The following ZNF90 variants were observed in gnomAD, a reference collection of about 807,000 sequenced individuals.
ZNF90 encodes zinc finger protein HTF9.
Under a neutral mutation model 12.0 loss-of-function variants are expected in ZNF90, and 11 were observed. The ratio of observed to expected loss-of-function variants is 0.92; its 90% confidence interval spans 0.58 to 1.52. The LOEUF (loss-of-function observed/expected upper bound fraction) is 1.52. Among genes scored for constraint, ZNF90 ranks in the 40% most tolerant of loss-of-function variants. ZNF90 has a pLI of 0.00. For missense variants in ZNF90, 765 were observed against 711.5 expected, an observed-to-expected ratio of 1.08 and a Z score of -0.86; for synonymous variants, 232 against 240.1, an observed-to-expected ratio of 0.97 and a Z score of 0.31.
At chr19:20,080,313 T>C (rs545102922) in intron 1 of ZNF90, 4 of 537,906 alleles carry the variant, frequency 7.4e-6, no homozygotes, top group South Asian at 6.2e-5. Flanking sequence ...GGACGATCCT[T>C]GTTTTACCAG....
intron 1 of ZNF90, among the ~76,000 whole-genome samples, chr19:20,100,540 C>T (rs2088981097): frequency 6.6e-6 from 1 of 152,168 alleles, no homozygotes; most frequent in South Asian, 2.1e-4. Context: ...GGCCTGCTAG[C>T]CCATGCTCCA....
At chr19:20,083,555 G>A (rs548602082) in intron 1 of ZNF90, among the ~76,000 whole-genome samples, 7 of 152,126 alleles carry the variant, frequency 4.6e-5, no homozygotes, top group African/African-American at 1.4e-4. Flanking sequence ...TTAAGCTCCC[G>A]ACCTCAGGTG....
intron 1 of ZNF90, among the ~76,000 whole-genome samples, chr19:20,101,266 G>A (rs1449638912): frequency 6.6e-6 from 1 of 152,142 alleles, no homozygotes; most frequent in South Asian, 2.1e-4. Flanking sequence ...TGGGTTCCAC[G>A]GTTCTCTTCC....
intron 3 of ZNF90, among the ~76,000 whole-genome samples, chr19:20,114,713 A>C (rs2089121125): frequency 6.6e-6 from 1 of 152,168 alleles, no homozygotes; most frequent in Non-Finnish European, 1.5e-5. Flanking sequence ...CATAAAGAAG[A>C]AAGTTGTATG....
chr19:20,093,317 GT>G (rs1213712171), intron 1 of ZNF90, among the ~76,000 whole-genome samples: 1 of 152,228 alleles, frequency 6.6e-6, no homozygotes, highest in Non-Finnish European at 1.5e-5. Flanking sequence ...TAGCAGGTGA[GT>G]GATAACAGGC....
chr19:20,091,919 A>G (rs2088905944), intron 1 of ZNF90, among the ~76,000 whole-genome samples: 1 of 152,148 alleles, frequency 6.6e-6, no homozygotes, highest in Admixed American at 6.5e-5. Flanking sequence ...AGCCTCAATG[A>G]TAGATGTGGA....
chr19:20,098,469 G>A (rs1353570088), intron 1 of ZNF90, among the ~76,000 whole-genome samples: 2 of 152,166 alleles, frequency 1.3e-5, no homozygotes, highest in Non-Finnish European at 2.9e-5. Flanking sequence ...CATCTTAGGA[G>A]TGAGAGATCA....
intron 1 of ZNF90, among the ~76,000 whole-genome samples, chr19:20,096,543 G>A (rs891870985): frequency 6.6e-6 from 1 of 152,004 alleles, no homozygotes; most frequent in Non-Finnish European, 1.5e-5. Context: ...GGGTCGCAAG[G>A]TGCTCAGTGG....
chr19:20,109,092 G>T (rs1472561125), intron 3 of ZNF90, among the ~76,000 whole-genome samples: 1 of 152,138 alleles, frequency 6.6e-6, no homozygotes, highest in African/African-American at 2.4e-5. Flanking sequence ...TAGAGAATTT[G>T]CAATTCTTTT....
intron 1 of ZNF90, among the ~76,000 whole-genome samples, chr19:20,085,220 G>A (rs1037092245): frequency 5.3e-5 from 8 of 150,474 alleles, no homozygotes; most frequent in Admixed American, 1.3e-4. Context: ...ATCTGATGGC[G>A]GTAGGAGGGT....
intron 1 of ZNF90, among the ~76,000 whole-genome samples, chr19:20,091,514 T>G (rs1486103525): frequency 1.3e-5 from 2 of 151,312 alleles, no homozygotes; most frequent in Non-Finnish European, 2.9e-5. Context: ...CGTGGGGGAG[T>G]AGGTGGGAGT....
Position 20,118,044 on chromosome 19 carries a change from A to T in ZNF90, c.490A>T (p.Lys164Ter). ...TATATTTTCAAATTCAAACAGACATAAGATAAGAGATACTGGAAAAAAACC... is the reference window on the plus strand; with the variant it reads ...TATATTTTCAAATTCAAACAGACATTAGATAAGAGATACTGGAAAAAAACC... ...SHIFSNSNRH[K>*]IRDTGKKPFK... Residue 164 changes from lysine (K) to a stop codon, truncating the protein, a stop_gained, in exon 4 of 4, where the codon AAG becomes TAG. Coordinates refer to ENST00000418063, the MANE Select transcript of ZNF90 (RefSeq NM_007138.2). LOFTEE classifies it low-confidence loss of function (END_TRUNC). 1 of 1,612,030 alleles carries T rather than the reference A, an allele frequency of 6.2e-7. No homozygotes were observed.
intron 1 of ZNF90, among the ~76,000 whole-genome samples, chr19:20,093,212 A>G (rs1218895603): frequency 6.6e-6 from 1 of 152,282 alleles, no homozygotes; most frequent in Non-Finnish European, 1.5e-5. Flanking sequence ...GATAAGACGC[A>G]GATCCTGAAC....
intron 1 of ZNF90, among the ~76,000 whole-genome samples, chr19:20,095,343 T>C (rs540382863): frequency 2.0e-5 from 3 of 152,166 alleles, no homozygotes; most frequent in African/African-American, 2.4e-5. Flanking sequence ...TCGATTTGTA[T>C]TGGGGCCAAG....
chr19:20,083,734 CAT>C lies in ZNF90; in HGVS notation c.3+5602_3+5603del. ...CAGAGTATTCATGATGTTTATGTAT[CAT>C]ATTTTGTTTTTACTAAATCTTTTAT... is the stretch of plus-strand genomic sequence containing the variant. On this transcript the variant is annotated intron_variant, in intron 1 of 3. Transcript: ENST00000418063. Among the ~76,000 whole-genome samples, 3 of 152,254 alleles carry C rather than the reference CAT, an allele frequency of 2.0e-5. 1 individual carries two copies. In the Middle Eastern group the frequency reaches 0.01, roughly 518 times the overall value.
Position 20,119,129 on chromosome 19 carries a change from T to C in ZNF90, c.1575T>C (p.Ser525=), listed in dbSNP as rs61748969. ...CCTTCAAGCGCTCCTCAGTCCTTAG[T>C]AAACATAAGATAATTCATACTGGAG... is the stretch of plus-strand genomic sequence containing the variant. ...GKAFKRSSVL[S]KHKIIHTGAK... The change falls in exon 4 of 4, where the codon AGT becomes AGC. Residue 525 remains serine (S), a synonymous_variant. Transcript: ENST00000418063. The C allele has an allele frequency of 1.5e-3, 2,466 of 1,612,786 alleles. 43 individuals carry two copies. In the African/African-American group the frequency reaches 0.029, roughly 19 times the overall value.
chr19:20,104,306 C>CA lies in ZNF90; in HGVS notation c.72dup (p.Gln25ThrfsTer6), dbSNP rs1204903555. 1 of 1,613,866 alleles carries CA rather than the reference C, an allele frequency of 6.2e-7. No individual in the cohort carries two copies. The highest frequency in any genetic ancestry group is 1.3e-5 in the African/African-American group (1 of 74,876). ...GAGGAGTGGCATTGCCTGGACACTG[C>CA]ACAGCAGAATTTATATAGGGATGTG... On this transcript the variant is annotated frameshift_variant, in exon 2 of 4. Transcript: ENST00000418063. LOFTEE classifies it high-confidence loss of function.
rs35771879 is a variant in ZNF90 at position 20,112,233 on chromosome 19, A to ATT, written c.227-5533_227-5532dup. ...AAAGGTTTCATGTATAATAATTTTGATTTTTTTTTTTTTTTTGAGACTGAG... is the reference window on the plus strand; with the variant it reads ...AAAGGTTTCATGTATAATAATTTTGATTTTTTTTTTTTTTTTTTGAGACTGAG... On this transcript the variant is annotated intron_variant, in intron 3 of 3. Coordinates refer to ENST00000418063, the MANE Select transcript of ZNF90 (RefSeq NM_007138.2). Among the ~76,000 whole-genome samples, 523 of 137,470 alleles carry ATT rather than the reference A, an allele frequency of 3.8e-3. 2 individuals carry two copies. Among genetic ancestry groups the ATT allele is most frequent in the African/African-American group, 9.8e-3 (364 of 37,174 alleles). 90.2% of individuals were successfully genotyped at this position (137,470 alleles called of 152,430 possible). A position where few individuals can be genotyped will look rare whatever the true frequency, so the allele number is the denominator to read the frequency against.
At position 20,119,126 on chromosome 19, in the gene ZNF90, T is replaced by G; in HGVS notation, c.1572T>G (p.Leu524=). The change falls in exon 4 of 4, where the codon CTT becomes CTG. Residue 524 remains leucine (L), a synonymous_variant. Coordinates refer to ENST00000418063, the MANE Select transcript of ZNF90 (RefSeq NM_007138.2). ...CGKAFKRSSV[L]SKHKIIHTGA... Reference sequence around the variant, plus strand: ...AAGCCTTCAAGCGCTCCTCAGTCCTTAGTAAACATAAGATAATTCATACTG... The same window carrying G: ...AAGCCTTCAAGCGCTCCTCAGTCCTGAGTAAACATAAGATAATTCATACTG... The G allele has an allele frequency of 6.2e-7, 1 of 1,613,050 alleles. No homozygotes were observed. The highest frequency in any genetic ancestry group is 8.5e-7 in the Non-Finnish European group (1 of 1,179,584).
Sources: allele counts gnomAD v4.1 joint callset (sites outside exome capture counted in the v4.1 genomes callset), GRCh38; gene constraint gnomAD v4.1.1; transcripts MANE v1.5; gene names NCBI Gene and HGNC (gene_info 2026-07-23, HGNC 2026-07-21).